The following ABR variants were observed in gnomAD, a reference collection of about 807,000 sequenced individuals.
ABR encodes the protein ABR activator of RhoGEF and GTPase, also known as active breakpoint cluster region-related protein.
A neutral mutation model predicts 107.2 loss-of-function variants in ABR; 35 were observed. The observed-to-expected ratio is 0.33, with a 90% CI of 0.25 to 0.43. The LOEUF is 0.43. Ranked by LOEUF, ABR falls within the 20% of genes least tolerant of loss-of-function variation. The pLI, the probability that ABR is intolerant of heterozygous loss-of-function variation, is 1.00. For missense variants in ABR, 815 were observed against 1,115.2 expected (o/e 0.73, Z 3.83); for synonymous variants, 498 against 462.0 (o/e 1.08, Z -1.00).
chr17:1,108,464 C>T (rs1030363042), intron 2 of ABR, among the ~76,000 whole-genome samples: 1 of 152,256 alleles, frequency 6.6e-6, no homozygotes, highest in Non-Finnish European at 1.5e-5. Context: ...CTGTTCCCTC[C>T]CCCCTTCAGC....
intron 1 of ABR, chr17:1,125,569 C>A: frequency 2.5e-6 from 1 of 393,192 alleles, no homozygotes; most frequent in Non-Finnish European, 4.4e-6. Flanking sequence ...CCTGCCCGCT[C>A]CGGGGCTGCT....
intron 1 of ABR, among the ~76,000 whole-genome samples, chr17:1,145,068 C>T (rs1214663551): frequency 6.6e-6 from 1 of 151,862 alleles, no homozygotes; most frequent in Non-Finnish European, 1.5e-5. Context: ...AAAATAAATC[C>T]TCTACAAAGA....
chr17:1,064,247 T>TG (rs2034417138), intron 10 of ABR, among the ~76,000 whole-genome samples: 1 of 55,830 alleles, frequency 1.8e-5, no homozygotes, highest in Non-Finnish European at 3.7e-5. Flanking sequence ...TGCTGTTATG[T>TG]AAACTGAGGG....
At chr17:1,104,894 C>T (rs932567701) in intron 2 of ABR, among the ~76,000 whole-genome samples, 15 of 152,016 alleles carry the variant, frequency 9.9e-5, no homozygotes, top group African/African-American at 3.6e-4. Flanking sequence ...CCATAGGGCA[C>T]AGGCAATGTT....
At chr17:1,018,987 T>C (rs1381748911) in intron 16 of ABR, among the ~76,000 whole-genome samples, 2 of 152,128 alleles carry the variant, frequency 1.3e-5, no homozygotes, top group African/African-American at 4.8e-5. Context: ...CCCTCTCTGC[T>C]GAAACTGCAG....
chr17:1,133,060 C>A (rs549135130), intron 1 of ABR, among the ~76,000 whole-genome samples: 3 of 151,922 alleles, frequency 2.0e-5, no homozygotes, highest in Non-Finnish European at 4.4e-5. Flanking sequence ...CTGACCCACA[C>A]GGAGAAACCC....
At chr17:1,217,045 C>T (rs1263501720) in intron 1 of ABR, among the ~76,000 whole-genome samples, 1 of 152,166 alleles carries the variant, frequency 6.6e-6, no homozygotes, top group African/African-American at 2.4e-5. Context: ...ATCATGGAGG[C>T]TCATTAGAGA....
intron 1 of ABR, among the ~76,000 whole-genome samples, chr17:1,152,840 T>C (rs531949550): frequency 1.5e-4 from 23 of 152,116 alleles, no homozygotes; most frequent in African/African-American, 5.5e-4. Flanking sequence ...ATGCCTGTAA[T>C]CCCAGCACTT....
intron 2 of ABR, among the ~76,000 whole-genome samples, chr17:1,110,368 GGGTGAGGCCAGCC>G (rs1199953542): frequency 6.6e-6 from 1 of 152,088 alleles, no homozygotes; most frequent in Admixed American, 6.5e-5. Context: ...TGAGGCCTGC[GGGTGAGGCCAGCC>G]GGTGAAGCGA....
chr17:1,104,907 G>C (rs890923991), intron 2 of ABR, among the ~76,000 whole-genome samples: 17 of 151,638 alleles, frequency 1.1e-4, no homozygotes, highest in Non-Finnish European at 2.5e-4. Flanking sequence ...GCAATGTTTT[G>C]AAACTTTGGT....
At chr17:1,180,210 C>A (rs915298016), upstream of ABR, among the ~76,000 whole-genome samples, 4 of 152,122 alleles carry the variant, frequency 2.6e-5, no homozygotes, top group African/African-American at 9.6e-5. Context: ...AGACCCAGGT[C>A]CCCCTCGTCC....
At chr17:1,072,950 G>A (rs2035362212) in intron 7 of ABR, among the ~76,000 whole-genome samples, 196 bp from the exon 8 acceptor site, 4 of 152,178 alleles carry the variant, frequency 2.6e-5, no homozygotes, top group Admixed American at 2.6e-4. Flanking sequence ...GGAGGCCGAG[G>A]CGGGGGATCT....
chr17:1,066,337 C>T (rs1451382751), intron 10 of ABR, among the ~76,000 whole-genome samples: 1 of 152,188 alleles, frequency 6.6e-6, no homozygotes, highest in Non-Finnish European at 1.5e-5. Context: ...TCTCAGTTTT[C>T]TGTCAGGGCA....
chr17:1,216,323 C>T (rs1365373756), intron 1 of ABR, among the ~76,000 whole-genome samples: 2 of 152,162 alleles, frequency 1.3e-5, no homozygotes, highest in African/African-American at 2.4e-5. Context: ...AGAGCGGGGC[C>T]CACAGGGGCT....
rs782238294 is a variant in ABR at position 1,152,282 on chromosome 17, CAAAA to C, written c.62-26919_62-26916del. 9.0e-3 allele frequency among the ~76,000 whole-genome samples: 1,142 copies of C among 126,940 alleles called. 33 individuals carry two copies. The East Asian group carries it at 0.13, about 14-fold the overall frequency. The allele number at this position is 126,940 out of a possible 152,430, so 83.3% of individuals were successfully genotyped here. ...TGGGCTACAGAGCGAGACTCTGTCT[CAAAA>C]AAAAAAAAAAAAAGACAGGACAGGC... On this transcript the variant is annotated intron_variant, in intron 1 of 22. Transcript: ENST00000302538.
At chr17:1,178,543 G>A (rs1190473822) in intron 1 of ABR, among the ~76,000 whole-genome samples, 2 of 147,956 alleles carry the variant, frequency 1.4e-5, no homozygotes, top group Non-Finnish European at 3.0e-5. Flanking sequence ...CAGCCTGGGC[G>A]ACAGAGCCGA....
chr17:1,218,066 G>A (rs1194486484), intron 1 of ABR, among the ~76,000 whole-genome samples: 1 of 152,216 alleles, frequency 6.6e-6, no homozygotes, highest in Non-Finnish European at 1.5e-5. Context: ...CTGACTTCAA[G>A]TAATCCGCTA....
At chr17:1,136,788 C>T (rs1567812737) in intron 1 of ABR, among the ~76,000 whole-genome samples, 1 of 152,194 alleles carries the variant, frequency 6.6e-6, no homozygotes, top group Non-Finnish European at 1.5e-5. Context: ...CTCAGGGGAA[C>T]GTTGTGGCTG....
intron 1 of ABR, among the ~76,000 whole-genome samples, chr17:1,186,471 T>C (rs1003641327): frequency 1.3e-5 from 2 of 152,198 alleles, no homozygotes; most frequent in African/African-American, 4.8e-5. Context: ...TCCCTAGGCA[T>C]CACTGCAGGA....
Sources: allele counts gnomAD v4.1 joint callset (sites outside exome capture counted in the v4.1 genomes callset), GRCh38; gene constraint gnomAD v4.1.1; transcripts MANE v1.5; gene names NCBI Gene and HGNC (gene_info 2026-07-23, HGNC 2026-07-21).